The following TRHDE variants were observed in gnomAD, a reference collection of about 807,000 sequenced individuals.
TRHDE encodes the protein thyrotropin-releasing hormone-degrading ectoenzyme.
A neutral mutation model predicts 125.7 loss-of-function variants in TRHDE; 72 were observed. The ratio of observed to expected loss-of-function variants is 0.57; its 90% CI spans 0.47 to 0.70. The LOEUF (loss-of-function observed/expected upper bound fraction) is 0.70, where lower values mean the gene tolerates loss of function less well. Ranked by LOEUF, TRHDE falls within the 30% of genes least tolerant of loss-of-function variation. TRHDE has a pLI of 0.00. For synonymous variants in TRHDE, 509 were observed against 509.1 expected (o/e 1.00, Z 0.00); for missense variants, 1,110 against 1,327.1 (o/e 0.84, Z 2.54).
At chr12:72,328,742 T>C (rs1175006593) in intron 2 of TRHDE, among the ~76,000 whole-genome samples, 3 of 152,136 alleles carry the variant, frequency 2.0e-5, no homozygotes, top group Non-Finnish European at 4.4e-5. Context: ...AGAGGAAAAG[T>C]TTCTTTGCTG....
intron 2 of TRHDE, among the ~76,000 whole-genome samples, chr12:72,242,705 C>T (rs971026775): frequency 1.3e-5 from 2 of 152,142 alleles, no homozygotes; most frequent in Admixed American, 6.5e-5. Context: ...TAACTCACTG[C>T]TGGTCAGAGG....
At chr12:72,583,721 G>T (rs1285548855) in intron 12 of TRHDE, among the ~76,000 whole-genome samples, 1 of 152,138 alleles carries the variant, frequency 6.6e-6, no homozygotes, top group Non-Finnish European at 1.5e-5. Flanking sequence ...CACTGTTTCT[G>T]CAGGAATATG....
intron 6 of TRHDE, among the ~76,000 whole-genome samples, chr12:72,516,020 T>C (rs1215384813): frequency 1.3e-5 from 2 of 150,772 alleles, no homozygotes; most frequent in Non-Finnish European, 2.9e-5. Context: ...TTGGTACCAG[T>C]ACCATGCTGT....
chr12:72,213,734 A>G lies in TRHDE; in HGVS notation n.279+107982A>G, dbSNP rs1877831645. Among the ~76,000 whole-genome samples the G allele has an allele frequency of 2.6e-5, 4 of 152,296 alleles. No individual in the cohort carries two copies. The South Asian group carries it at 8.3e-4, about 32-fold the overall frequency. Reference sequence around the variant, plus strand: ...AATTACTTGGCATTATTTGCATGCCATAACATAAAACAAAATTTGTTTAAA... The same window carrying G: ...AATTACTTGGCATTATTTGCATGCCGTAACATAAAACAAAATTTGTTTAAA... On this transcript the variant is annotated intron_variant and non_coding_transcript_variant, in intron 2 of 4. Coordinates refer to the TRHDE transcript ENST00000548156.
intron 2 of TRHDE, among the ~76,000 whole-genome samples, chr12:72,175,411 A>T (rs1324916175): frequency 1.3e-5 from 2 of 152,228 alleles, no homozygotes; most frequent in African/African-American, 4.8e-5. Flanking sequence ...ATTTGACAGC[A>T]TCAAGTAAAT....
intron 2 of TRHDE, among the ~76,000 whole-genome samples, chr12:72,181,654 A>C (rs1877098979): frequency 6.6e-6 from 1 of 152,310 alleles, no homozygotes; most frequent in South Asian, 2.1e-4. Flanking sequence ...ATACCTGTTT[A>C]TAAGATTTGA....
chr12:72,283,138 G>C (rs1239138966), intron 1 of TRHDE, among the ~76,000 whole-genome samples: 1 of 152,132 alleles, frequency 6.6e-6, no homozygotes, highest in African/African-American at 2.4e-5. Flanking sequence ...CTCTTTGCAG[G>C]AAGGAAGCAT....
chr12:72,575,846 AT>A (rs1178143315), intron 12 of TRHDE, among the ~76,000 whole-genome samples: 34 of 152,122 alleles, frequency 2.2e-4, no homozygotes, highest in Admixed American at 1.8e-3. Context: ...ATTGGGCCAT[AT>A]TTAAGTTCTG....
intron 7 of TRHDE, among the ~76,000 whole-genome samples, chr12:72,552,020 G>A (rs1012203242): frequency 1.3e-5 from 2 of 152,140 alleles, no homozygotes; most frequent in African/African-American, 4.8e-5. Context: ...ACTGGTGGAT[G>A]AGTAGAGTTA....
Position 72,603,765 on chromosome 12 carries a change from C to CAA in TRHDE, c.2322-15120_2322-15119dup, listed in dbSNP as rs60044516. On this transcript the variant is annotated intron_variant, in intron 12 of 18. Transcript: ENST00000261180. ...AAACAAAACAAAACAACAACAACAA[C>CAA]AAAAAAACAATGTAAGTATACAGAT... is the stretch of plus-strand genomic sequence containing the variant. 8.3e-3 allele frequency among the ~76,000 whole-genome samples: 1,258 copies of CAA among 151,514 alleles called. 31 individuals are homozygous for CAA. Among genetic ancestry groups the CAA allele is most frequent in the Non-Finnish European group, 5.7e-3 (388 of 67,812 alleles).
chr12:72,431,968 G>T, intron 3 of TRHDE: 1 of 195,836 alleles, frequency 5.1e-6, no homozygotes, highest in East Asian at 1.2e-4. Context: ...CTGTAACTAT[G>T]AGGTTTCTTT....
At chr12:72,563,230 G>A (rs1592538324) in intron 9 of TRHDE, among the ~76,000 whole-genome samples, 190 bp downstream of exon 9, 1 of 151,964 alleles carries the variant, frequency 6.6e-6, no homozygotes. Flanking sequence ...CCTTCAAGCT[G>A]AAAAAACACC....
chr12:72,403,684 C>T (rs992577300), intron 3 of TRHDE, among the ~76,000 whole-genome samples: 2 of 152,224 alleles, frequency 1.3e-5, no homozygotes, highest in African/African-American at 4.8e-5. Context: ...TAGAATAAGC[C>T]AGATCCAAAG....
intron 12 of TRHDE, among the ~76,000 whole-genome samples, chr12:72,599,814 T>C (rs1336389183): frequency 6.6e-6 from 1 of 151,904 alleles, no homozygotes; most frequent in Admixed American, 6.6e-5. Context: ...CAATGGTGTT[T>C]TCATTATGGT....
intron 15 of TRHDE, among the ~76,000 whole-genome samples, chr12:72,633,407 A>G (rs541309814): frequency 3.3e-5 from 5 of 152,228 alleles, no homozygotes; most frequent in African/African-American, 9.6e-5. Context: ...GGTTTCTCCA[A>G]TGCTATTCTT....
At chr12:72,209,329 C>A (rs570405419) in intron 2 of TRHDE, among the ~76,000 whole-genome samples, 7 of 152,176 alleles carry the variant, frequency 4.6e-5, no homozygotes, top group Non-Finnish European at 1.0e-4. Flanking sequence ...TGACATGGTT[C>A]CCCAGAGTCC....
At chr12:72,500,420 TCTCA>T (rs1397176255) in intron 6 of TRHDE, among the ~76,000 whole-genome samples, 1 of 152,028 alleles carries the variant, frequency 6.6e-6, no homozygotes, top group Admixed American at 6.6e-5. Flanking sequence ...TGAGATGGAG[TCTCA>T]CTCTGTCGCC....
At chr12:72,491,397 TGA>T (rs1877677438) in intron 5 of TRHDE, among the ~76,000 whole-genome samples, 1 of 151,880 alleles carries the variant, frequency 6.6e-6, no homozygotes, top group Admixed American at 6.6e-5. Context: ...AAAATGTGAG[TGA>T]CTGATTGATA....
intron 2 of TRHDE, among the ~76,000 whole-genome samples, chr12:72,150,137 G>T (rs1013021184): frequency 6.6e-6 from 1 of 152,132 alleles, no homozygotes; most frequent in African/African-American, 2.4e-5. Context: ...GAAGGGAAGT[G>T]GAACAAATAA....
Sources: allele counts gnomAD v4.1 joint callset (sites outside exome capture counted in the v4.1 genomes callset), GRCh38; gene constraint gnomAD v4.1.1; transcripts MANE v1.5; gene names NCBI Gene and HGNC (gene_info 2026-07-23, HGNC 2026-07-21).